The following ROBO1 variants were observed in gnomAD, a reference collection of about 807,000 sequenced individuals.
ROBO1 encodes roundabout homolog 1.
ROBO1 carries 149 observed loss-of-function variants against 195.9 expected under a neutral mutation model. That is an observed-to-expected ratio of 0.76 (90% confidence interval 0.67 to 0.87). ROBO1 has a LOEUF of 0.87. Among genes scored for constraint, ROBO1 ranks in the 40% least tolerant of loss-of-function variants. ROBO1 has a pLI of 0.00. For synonymous variants in ROBO1, 816 were observed against 733.2 expected, an observed-to-expected ratio of 1.11 and a Z score of -1.82; for missense variants, 1,933 against 2,068.3, an observed-to-expected ratio of 0.93 and a Z score of 1.27.
chr3:79,012,964 T>G (rs562455779), intron 3 of ROBO1, among the ~76,000 whole-genome samples: 10 of 152,176 alleles, frequency 6.6e-5, no homozygotes, highest in African/African-American at 2.4e-4. Flanking sequence ...GAGGTAGCCT[T>G]TTGATCTCCA....
At chr3:79,006,098 G>C (rs2166797) in intron 3 of ROBO1, among the ~76,000 whole-genome samples, 1 of 152,044 alleles carries the variant, frequency 6.6e-6, no homozygotes, top group African/African-American at 2.4e-5. Context: ...TCTTATTCAA[G>C]AATATATTTA....
intron 3 of ROBO1, among the ~76,000 whole-genome samples, chr3:79,098,027 G>A (rs767045613): frequency 6.6e-6 from 1 of 151,668 alleles, no homozygotes; most frequent in Non-Finnish European, 1.5e-5. Context: ...ATACTTATAA[G>A]AGTTACTCAT....
rs1430298566 is a variant in ROBO1, at chr3:79,589,659, C to A, written c.88+165G>T. Among the ~76,000 whole-genome samples the A allele has an allele frequency of 2.0e-5, 3 of 151,738 alleles. No homozygotes were observed. The Admixed American group carries it at 2.0e-4, about 10-fold the overall frequency. ...TCTCTATTCAAGAATAATAATTTGACCCCTGAAATTGATCAGCACTCATAC... is the reference window on the plus strand; with the variant it reads ...TCTCTATTCAAGAATAATAATTTGAACCCTGAAATTGATCAGCACTCATAC... On this transcript the variant is annotated intron_variant, in intron 2 of 30. Transcript: ENST00000464233.
chr3:78,620,873 A>T (rs1056697434), intron 26 of ROBO1, among the ~76,000 whole-genome samples: 2 of 52,916 alleles, frequency 3.8e-5, no homozygotes, highest in Admixed American at 2.6e-4. Context: ...TAAATATATT[A>T]TATATATATA....
intron 1 of ROBO1, among the ~76,000 whole-genome samples, chr3:79,602,055 G>T (rs1944355306): frequency 6.6e-6 from 1 of 151,884 alleles, no homozygotes; most frequent in African/African-American, 2.4e-5. Flanking sequence ...CAAATTTTTA[G>T]ATTGCTTAAG....
chr3:79,734,969 T>C (rs574216892), intron 1 of ROBO1, among the ~76,000 whole-genome samples: 1 of 152,342 alleles, frequency 6.6e-6, no homozygotes, highest in African/African-American at 2.4e-5. Flanking sequence ...GTAGCAAAGT[T>C]TGAGAGCCAG....
intron 3 of ROBO1, among the ~76,000 whole-genome samples, chr3:79,071,326 CTTAT>C (rs939395991): frequency 3.3e-5 from 5 of 151,574 alleles, no homozygotes; most frequent in Admixed American, 1.3e-4. Flanking sequence ...TTCATCCTTC[CTTAT>C]TTATCACTTT....
intron 4 of ROBO1, among the ~76,000 whole-genome samples, chr3:78,805,428 C>T (rs568900894): frequency 2.6e-5 from 4 of 152,132 alleles, no homozygotes; most frequent in Non-Finnish European, 5.9e-5. Flanking sequence ...ATTACTTATA[C>T]ATAAACGTCA....
intron 2 of ROBO1, among the ~76,000 whole-genome samples, chr3:79,436,115 A>G (rs2038878482): frequency 6.6e-6 from 1 of 152,172 alleles, no homozygotes; most frequent in Non-Finnish European, 1.5e-5. Context: ...TACAAAAGAA[A>G]GCTACTTTAG....
In ROBO1 at chr3:78,617,666, T is replaced by C. The variant is rs781165114; in HGVS notation, c.4251A>G (p.Lys1417=). 2 of 1,613,656 alleles carry C rather than the reference T, an allele frequency of 1.2e-6. No homozygotes were observed. The highest frequency in any genetic ancestry group is 1.7e-6 in the Non-Finnish European group (2 of 1,179,692). ...VAAAAEYAGL[K]VARRQMQDAA... is the part of the protein sequence containing the mutation. ...CATCCTGCATTTGCCGTCGTGCTAC[T>C]TTCAGACCAGCATACTCTGCCGCTG... is the stretch of plus-strand genomic sequence containing the variant. The change falls in exon 27 of 31, where the codon AAA becomes AAG. Residue 1417 remains lysine, a synonymous_variant. Transcript: ENST00000464233.
At chr3:79,380,792 G>A (rs2109369240) in intron 2 of ROBO1, among the ~76,000 whole-genome samples, 1 of 152,116 alleles carries the variant, frequency 6.6e-6, no homozygotes, top group African/African-American at 2.4e-5. Flanking sequence ...CTAACAAAAG[G>A]TGGCAGAAGT....
chr3:79,452,379 G>C (rs1481191795), intron 2 of ROBO1, among the ~76,000 whole-genome samples: 2 of 151,982 alleles, frequency 1.3e-5, no homozygotes, highest in Admixed American at 6.6e-5. Context: ...TTTTGAGAGA[G>C]GCCTTCTCTT....
intron 1 of ROBO1, among the ~76,000 whole-genome samples, chr3:79,656,075 A>G (rs938895937): frequency 6.6e-6 from 1 of 152,150 alleles, no homozygotes. Context: ...AACAATAAAC[A>G]CACAAAATAT....
intron 1 of ROBO1, among the ~76,000 whole-genome samples, chr3:79,661,485 A>C (rs1946326043): frequency 6.6e-6 from 1 of 152,036 alleles, no homozygotes; most frequent in Non-Finnish European, 1.5e-5. Flanking sequence ...ATTAACAGAT[A>C]CTGCTTAAAT....
chr3:78,859,216 G>T (rs2034640212), intron 4 of ROBO1, among the ~76,000 whole-genome samples: 1 of 152,174 alleles, frequency 6.6e-6, no homozygotes, highest in Admixed American at 6.5e-5. Flanking sequence ...TCTGCCAATA[G>T]AATAAATGTA....
chr3:78,938,887 A>G lies in ROBO1; in HGVS notation c.213T>C (p.Val71=). 1 of 1,612,798 alleles carries G rather than the reference A, an allele frequency of 6.2e-7. No homozygotes were observed. The highest frequency in any genetic ancestry group is 8.5e-7 in the Non-Finnish European group (1 of 1,179,278). ...LRQEDFPPRI[V]EHPSDLIVSK... ...AGACAATCAGGTCTGAAGGGTGTTC[A>G]ACAATGCGAGGTGGAAAATCTTCCT... The change falls in exon 4 of 31, where the codon GTT becomes GTC. Residue 71 remains valine (V), a synonymous_variant. Transcript: ENST00000464233.
chr3:78,936,027 T>A (rs1255301190), intron 4 of ROBO1, among the ~76,000 whole-genome samples: 1 of 152,010 alleles, frequency 6.6e-6, no homozygotes, highest in Non-Finnish European at 1.5e-5. Flanking sequence ...ATATCTGCAC[T>A]GAGGTCTACC....
chr3:79,464,645 CTATATCAGT>C (rs942079326), intron 2 of ROBO1, among the ~76,000 whole-genome samples: 5 of 151,514 alleles, frequency 3.3e-5, no homozygotes, highest in African/African-American at 1.2e-4. Context: ...GATACAAGTT[CTATATCAGT>C]TATAGATTTG....
chr3:79,019,835 C>T (rs2078061142), intron 3 of ROBO1, among the ~76,000 whole-genome samples: 1 of 152,018 alleles, frequency 6.6e-6, no homozygotes, highest in African/African-American at 2.4e-5. Context: ...CTCAACTCCA[C>T]TCTCACTTCT....
Sources: gnomAD v4.1 joint callset for allele counts (sites outside exome capture counted in the v4.1 genomes callset) on GRCh38, gnomAD v4.1.1 for gene constraint, MANE v1.5 for transcripts, NCBI Gene and HGNC (gene_info 2026-07-23, HGNC 2026-07-21) for gene names.